Variants in CA10 observed in about 807,000 individuals in gnomAD.
CA10 encodes carbonic anhydrase-related protein 10.
In CA10, 14 loss-of-function variants were observed where a neutral mutation model predicts 44.2. The ratio of observed to expected loss-of-function variants is 0.32; its 90% CI spans 0.21 to 0.50. CA10 has a LOEUF of 0.50. Among genes scored for constraint, CA10 ranks in the 20% least tolerant of loss-of-function variants. CA10 has a pLI of 0.99. For synonymous variants in CA10, 159 were observed against 141.6 expected, an observed-to-expected ratio of 1.12 and a Z score of -0.87; for missense variants, 350 against 409.7, an observed-to-expected ratio of 0.85 and a Z score of 1.26.
chr17:52,090,841 T>C (rs1191599560), intron 1 of CA10, among the ~76,000 whole-genome samples: 1 of 152,126 alleles, frequency 6.6e-6, no homozygotes, highest in East Asian at 1.9e-4. Flanking sequence ...TACAGATCTA[T>C]GTAGATTATC....
At chr17:52,065,319 G>A (rs1345475697) in intron 2 of CA10, among the ~76,000 whole-genome samples, 1 of 152,184 alleles carries the variant, frequency 6.6e-6, no homozygotes, top group Non-Finnish European at 1.5e-5. Flanking sequence ...TGATGTGTTT[G>A]TTACTATTAT....
At chr17:51,958,385 A>C (rs1983749073) in intron 2 of CA10, among the ~76,000 whole-genome samples, 1 of 152,012 alleles carries the variant, frequency 6.6e-6, no homozygotes, top group Non-Finnish European at 1.5e-5. Context: ...TTCCACATGA[A>C]TCTCATTTAG....
At chr17:51,822,436 AAAC>A (rs1355267981) in intron 3 of CA10, among the ~76,000 whole-genome samples, 3 of 152,088 alleles carry the variant, frequency 2.0e-5, no homozygotes, top group African/African-American at 7.2e-5. Context: ...ACAAAAACAA[AAAC>A]AAAAACAAAA....
rs142552461 is a variant in CA10 at position 52,152,566 on chromosome 17, A to C, written c.61+5160T>G. ...TCTATACAATTTATGCCAATTATTA[A>C]ACAATTAGACATTATTCCTATTCCT... On this transcript the variant is annotated intron_variant, in intron 1 of 8. Coordinates refer to ENST00000451037, the MANE Select transcript of CA10 (RefSeq NM_020178.5). Among the ~76,000 whole-genome samples the C allele has an allele frequency of 1.5e-3, 232 of 152,252 alleles. 2 individuals carry two copies. Among genetic ancestry groups the C allele is most frequent in the Non-Finnish European group, 1.4e-3 (94 of 67,968 alleles).
intron 6 of CA10, among the ~76,000 whole-genome samples, chr17:51,645,866 G>A (rs1189449669): frequency 6.6e-6 from 1 of 152,220 alleles, no homozygotes; most frequent in Non-Finnish European, 1.5e-5. Context: ...TTCATGTTGA[G>A]CTTGGCCATA....
intron 3 of CA10, among the ~76,000 whole-genome samples, chr17:51,758,263 G>T (rs1471679740): frequency 1.3e-5 from 2 of 152,096 alleles, no homozygotes; most frequent in African/African-American, 2.4e-5. Context: ...TAAAAGCATT[G>T]AATCTGTTTT....
chr17:51,774,997 G>A (rs1487525287), intron 3 of CA10, among the ~76,000 whole-genome samples: 3 of 152,104 alleles, frequency 2.0e-5, no homozygotes, highest in Non-Finnish European at 4.4e-5. Context: ...TGGGTAAGCA[G>A]GTTCCCAGGC....
At chr17:51,988,136 T>C (rs1057317294) in intron 2 of CA10, among the ~76,000 whole-genome samples, 6 of 152,064 alleles carry the variant, frequency 3.9e-5, no homozygotes, top group African/African-American at 1.4e-4. Flanking sequence ...TGAAGTTGTA[T>C]AGTTGTATTT....
intron 2 of CA10, among the ~76,000 whole-genome samples, chr17:51,998,941 G>A (rs1985330962): frequency 6.6e-6 from 1 of 151,902 alleles, no homozygotes; most frequent in Non-Finnish European, 1.5e-5. Context: ...AATTAGTCTC[G>A]TGAAATTGTA....
chr17:51,788,196 T>G (rs895444573), intron 3 of CA10, among the ~76,000 whole-genome samples: 3 of 152,230 alleles, frequency 2.0e-5, no homozygotes, highest in African/African-American at 7.2e-5. Flanking sequence ...CTGAATTTCT[T>G]TATTGATCCT....
chr17:51,966,282 C>T (rs960473167), intron 2 of CA10, among the ~76,000 whole-genome samples: 1 of 151,902 alleles, frequency 6.6e-6, no homozygotes, highest in Non-Finnish European at 1.5e-5. Context: ...GGCCATGCTG[C>T]CCAGTGCAAT....
At chr17:52,118,476 A>C (rs1488443675) in intron 1 of CA10, among the ~76,000 whole-genome samples, 4 of 152,162 alleles carry the variant, frequency 2.6e-5, no homozygotes, top group Non-Finnish European at 5.9e-5. Flanking sequence ...TAACATATTT[A>C]ACAGGCTTCC....
intron 1 of CA10, among the ~76,000 whole-genome samples, chr17:52,113,777 T>C (rs1387738655): frequency 6.6e-6 from 1 of 152,162 alleles, no homozygotes; most frequent in East Asian, 1.9e-4. Flanking sequence ...AAGTGAGTAA[T>C]TTGAGGTGTT....
At chr17:52,074,828 G>GT (rs1334189364) in intron 1 of CA10, among the ~76,000 whole-genome samples, 12 of 151,876 alleles carry the variant, frequency 7.9e-5, no homozygotes, top group Admixed American at 2.0e-4. Context: ...CCCATTGCCT[G>GT]TTTCTGTACT....
chr17:52,145,115 C>A (rs1989556910), intron 1 of CA10, among the ~76,000 whole-genome samples: 1 of 152,122 alleles, frequency 6.6e-6, no homozygotes, highest in Non-Finnish European at 1.5e-5. Context: ...TAGAGGGTGA[C>A]AAGGTAATCA....
At chr17:52,068,807 C>T (rs774016896) in intron 2 of CA10, among the ~76,000 whole-genome samples, 2 of 152,190 alleles carry the variant, frequency 1.3e-5, no homozygotes, top group Admixed American at 1.3e-4. Context: ...AAGGCTTCTC[C>T]TTACATGGCA....
intron 2 of CA10, among the ~76,000 whole-genome samples, chr17:52,060,944 G>A (rs1420153003): frequency 6.6e-6 from 1 of 152,124 alleles, no homozygotes; most frequent in Non-Finnish European, 1.5e-5. Flanking sequence ...TGCAAATTTT[G>A]TAAGGGATGA....
chr17:51,726,673 T>C (rs1370504865), intron 4 of CA10, among the ~76,000 whole-genome samples: 1 of 152,214 alleles, frequency 6.6e-6, no homozygotes, highest in African/African-American at 2.4e-5. Context: ...CCAATGGATA[T>C]CTATTTTTTC....
At chr17:51,765,691 CTGTG>C (rs61631215) in intron 3 of CA10, among the ~76,000 whole-genome samples, 35,305 of 140,238 alleles carry the variant, frequency 0.25, 4,185 homozygotes, top group Middle Eastern at 0.37. Context: ...AGGCAGCTCC[CTGTG>C]TGTGTGTGTG....
Sources: allele counts gnomAD v4.1 joint callset (sites outside exome capture counted in the v4.1 genomes callset), GRCh38; gene constraint gnomAD v4.1.1; transcripts MANE v1.5; gene names NCBI Gene and HGNC (gene_info 2026-07-23, HGNC 2026-07-21).